Variants in ELP4 observed in about 807,000 individuals in gnomAD.
ELP4 encodes elongator complex protein 4.
A neutral mutation model predicts 48.9 loss-of-function variants in ELP4; 51 were observed. The ratio of observed to expected loss-of-function variants is 1.04; its 90% confidence interval spans 0.83 to 1.32. The LOEUF (loss-of-function observed/expected upper bound fraction) is 1.32. Ranked by LOEUF, ELP4 falls within the 40% of genes most tolerant of loss-of-function variation. The pLI, the probability that ELP4 is intolerant of heterozygous loss-of-function variation, is 0.00. For synonymous variants in ELP4, 210 were observed against 189.2 expected (o/e 1.11, Z -0.90); for missense variants, 519 against 514.6 (o/e 1.01, Z -0.08).
intron 9 of ELP4, among the ~76,000 whole-genome samples, chr11:31,680,067 G>T (rs1307550098): frequency 6.6e-6 from 1 of 151,968 alleles, no homozygotes; most frequent in Non-Finnish European, 1.5e-5. Context: ...GTGATTCTCT[G>T]TATCTGCCTA....
intron 2 of ELP4, among the ~76,000 whole-genome samples, chr11:31,529,695 A>G (rs1956361966): frequency 6.6e-6 from 1 of 152,196 alleles, no homozygotes; most frequent in Non-Finnish European, 1.5e-5. Context: ...CATATAGGAA[A>G]AGGAGGGGGG....
chr11:31,616,895 A>C (rs1440452652), intron 5 of ELP4, among the ~76,000 whole-genome samples: 1 of 152,104 alleles, frequency 6.6e-6, no homozygotes, highest in Non-Finnish European at 1.5e-5. Context: ...ATAAAAATGA[A>C]AAATAGGAAA....
chr11:31,675,210 A>C (rs1222864310), intron 9 of ELP4, among the ~76,000 whole-genome samples: 1 of 152,150 alleles, frequency 6.6e-6, no homozygotes, highest in African/African-American at 2.4e-5. Flanking sequence ...GAATGGGCAG[A>C]ATTGTTGCCC....
At chr11:31,566,633 A>G (rs1957116401) in intron 3 of ELP4, among the ~76,000 whole-genome samples, 1 of 152,214 alleles carries the variant, frequency 6.6e-6, no homozygotes, top group Non-Finnish European at 1.5e-5. Flanking sequence ...ACTTAGAAAC[A>G]AAGATGCTAA....
intron 3 of ELP4, among the ~76,000 whole-genome samples, chr11:31,557,982 G>C (rs947076713): frequency 1.3e-5 from 2 of 151,858 alleles, no homozygotes; most frequent in Admixed American, 6.6e-5. Context: ...ACTATTAGGA[G>C]AGTCCTTTGA....
intron 9 of ELP4, among the ~76,000 whole-genome samples, chr11:31,721,563 G>A (rs1408128631): frequency 4.0e-5 from 6 of 151,530 alleles, no homozygotes; most frequent in African/African-American, 1.5e-4. Context: ...GATGCTTCCT[G>A]ACTGCTCAGC....
At chr11:31,670,074 C>T (rs958143142) in intron 9 of ELP4, among the ~76,000 whole-genome samples, 2 of 152,118 alleles carry the variant, frequency 1.3e-5, no homozygotes, top group African/African-American at 4.8e-5. Context: ...ATGCAAAACT[C>T]GACTTTTTAA....
intron 3 of ELP4, among the ~76,000 whole-genome samples, chr11:31,565,411 C>A (rs9705326): frequency 3.5e-5 from 5 of 141,974 alleles, no homozygotes; most frequent in African/African-American, 8.4e-5. Context: ...GCTTTTGTTG[C>A]CATTGCTTTT....
At chr11:31,573,532 G>T (rs1027507214) in intron 3 of ELP4, 1 of 152,084 alleles carries the variant, frequency 6.6e-6, no homozygotes, top group Admixed American at 6.6e-5. Context: ...TCTCTTCCTG[G>T]CTTGTAGACT....
intron 3 of ELP4, among the ~76,000 whole-genome samples, chr11:31,555,592 T>C (rs1443431927): frequency 6.6e-6 from 1 of 151,794 alleles, no homozygotes; most frequent in East Asian, 1.9e-4. Context: ...ATAATATATA[T>C]ATTAATGTGG....
intron 9 of ELP4, among the ~76,000 whole-genome samples, chr11:31,701,256 AT>A (rs1400346919): frequency 1.3e-5 from 2 of 152,004 alleles, no homozygotes; most frequent in African/African-American, 4.8e-5. Flanking sequence ...CTTTTTGGAT[AT>A]TTTCTGTTAT....
At chr11:31,696,661 G>A (rs1946414221) in intron 9 of ELP4, among the ~76,000 whole-genome samples, 1 of 152,068 alleles carries the variant, frequency 6.6e-6, no homozygotes, top group South Asian at 2.1e-4. Context: ...TCTGAAGGAA[G>A]CACTAAACAT....
At chr11:31,774,164 G>T (rs867651701) in intron 9 of ELP4, among the ~76,000 whole-genome samples, 52 of 152,330 alleles carry the variant, frequency 3.4e-4, no homozygotes, top group African/African-American at 1.1e-3. Flanking sequence ...AACAAAGCGA[G>T]ACTGTCTCAA....
At chr11:31,582,152 T>G (rs1054046894) in intron 3 of ELP4, among the ~76,000 whole-genome samples, 3 of 152,182 alleles carry the variant, frequency 2.0e-5, no homozygotes, top group Admixed American at 1.3e-4. Context: ...GCTACTTAAT[T>G]ACTTTGCGAC....
chr11:31,730,565 C>G (rs1165847865), intron 9 of ELP4, among the ~76,000 whole-genome samples: 1 of 152,170 alleles, frequency 6.6e-6, no homozygotes, highest in Non-Finnish European at 1.5e-5. Flanking sequence ...AACATTCTGA[C>G]TTCTGAGGGG....
chr11:31,603,809 T>C lies in ELP4; in HGVS notation c.555T>C (p.Asp185=). The C allele has an allele frequency of 6.2e-7, 1 of 1,611,300 alleles. No individual in the cohort carries two copies. The highest frequency in any genetic ancestry group is 8.5e-7 in the Non-Finnish European group (1 of 1,178,116). ...VSSSRFGHYY[D]ASKRMPQELI... ...CTTCAAGATTTGGTCACTATTATGATGCATCAAAAAGAATGCCACAAGAAC... is the reference window on the plus strand; with the variant it reads ...CTTCAAGATTTGGTCACTATTATGACGCATCAAAAAGAATGCCACAAGAAC... Residue 185 remains aspartate, a synonymous_variant, in exon 5 of 10, where the codon GAT becomes GAC. Coordinates refer to ENST00000640961, the MANE Select transcript of ELP4 (RefSeq NM_019040.5).
At chr11:31,650,986 A>G (rs1306574503) in intron 9 of ELP4, 1 of 151,624 alleles carries the variant, frequency 6.6e-6, no homozygotes, top group Non-Finnish European at 1.5e-5. Flanking sequence ...TCTCTTTTCA[A>G]ATGAAAAGCT....
Position 31,632,236 on chromosome 11 carries a change from T to A in ELP4, c.758T>A (p.Leu253Ter), listed in dbSNP as rs562843671. The A allele has an allele frequency of 6.3e-7, 1 of 1,599,000 alleles. No individual in the cohort carries two copies. The highest frequency in any genetic ancestry group is 2.2e-5 in the East Asian group (1 of 44,676). The change falls in exon 7 of 10, where the codon TTA (leucine) becomes TAA (stop). Residue 253 changes from leucine to a stop codon, truncating the protein, a stop_gained. Coordinates refer to ENST00000640961, the MANE Select transcript of ELP4 (RefSeq NM_019040.5). LOFTEE classifies it high-confidence loss of function. Reference sequence around the variant, plus strand: ...TTTTAGAAAAAACAGAGAAACATTTTAAGAATAGGAATTCAGAATCTTGGC... The same window carrying A: ...TTTTAGAAAAAACAGAGAAACATTTAAAGAATAGGAATTCAGAATCTTGGC... ...SNPQKKQRNILRIGIQNLGSP... is the reference protein window; with the variant it reads ...SNPQKKQRNI
rs754117279 is a variant in ELP4 at position 31,588,882 on chromosome 11, C to T, written c.382-5888C>T. 9.9e-5 allele frequency among the ~76,000 whole-genome samples: 15 copies of T among 152,138 alleles called. 1 individual carries two copies. Among genetic ancestry groups the T allele is most frequent in the Non-Finnish European group, 4.4e-5 (3 of 68,024 alleles). ...CCAGTCATCCCAGCTGTTCAGGAGG[C>T]TGAGGCATGAGAATGGCTTGAGCCC... is the stretch of plus-strand genomic sequence containing the variant. On this transcript the variant is annotated intron_variant, in intron 3 of 9. Coordinates refer to ENST00000640961, the MANE Select transcript of ELP4 (RefSeq NM_019040.5).
Sources: allele counts gnomAD v4.1 joint callset (sites outside exome capture counted in the v4.1 genomes callset), GRCh38; gene constraint gnomAD v4.1.1; transcripts MANE v1.5; gene names NCBI Gene and HGNC (gene_info 2026-07-23, HGNC 2026-07-21).